SLC4A10: variants seen among roughly 807,000 people sequenced by gnomAD.
The protein encoded by SLC4A10 is sodium-driven chloride bicarbonate exchanger.
SLC4A10 carries 42 observed loss-of-function variants against 137.7 expected under a neutral mutation model. That is an observed-to-expected ratio of 0.30 (90% confidence interval 0.24 to 0.39). The LOEUF (loss-of-function observed/expected upper bound fraction) is 0.39. Among genes scored for constraint, SLC4A10 ranks in the 10% least tolerant of loss-of-function variants. The pLI, the probability that SLC4A10 is intolerant of heterozygous loss-of-function variation, is 1.00. For synonymous variants in SLC4A10, 474 were observed against 464.1 expected (o/e 1.02, Z -0.27); for missense variants, 925 against 1,355.0 (o/e 0.68, Z 4.98).
intron 15 of SLC4A10, among the ~76,000 whole-genome samples, chr2:161,942,315 G>C (rs1692857646): frequency 6.6e-6 from 1 of 152,140 alleles, no homozygotes; most frequent in South Asian, 2.1e-4. Flanking sequence ...TTCTAAGGCT[G>C]TTAATTTGTG....
At chr2:161,787,035 T>C (rs1009060245) in intron 2 of SLC4A10, among the ~76,000 whole-genome samples, 8 of 152,058 alleles carry the variant, frequency 5.3e-5, no homozygotes, top group Admixed American at 2.6e-4. Flanking sequence ...TAAAAGAGTA[T>C]ACTTTTTTAT....
At chr2:161,977,583 G>T (rs1432684105) in intron 25 of SLC4A10, 139 bp from the exon 26 acceptor site, 10 of 659,564 alleles carry the variant, frequency 1.5e-5, no homozygotes, top group Non-Finnish European at 2.5e-5. Context: ...GAATTCCTAT[G>T]TTATGCTAAT....
rs1391260350 is a variant in SLC4A10, at chr2:161,798,097, T to C, written c.131-6352T>C. On this transcript the variant is annotated intron_variant, in intron 2 of 26. Coordinates refer to ENST00000446997, the MANE Select transcript of SLC4A10 (RefSeq NM_001178015.2). ...CACTCACTCCCATCCTCTCAGTCTC[T>C]TTGTTTCTCTGTTACTCTCCCTTAG... 2.0e-5 allele frequency among the ~76,000 whole-genome samples: 3 copies of C among 152,026 alleles called. No homozygotes were observed. The East Asian group carries it at 5.8e-4, about 29-fold the overall frequency.
chr2:161,978,827 A>G (rs1009666621), intron 26 of SLC4A10, among the ~76,000 whole-genome samples: 2 of 152,164 alleles, frequency 1.3e-5, no homozygotes, highest in African/African-American at 2.4e-5. Flanking sequence ...TCTTAATAGG[A>G]CTTTAAAACT....
At chr2:161,700,668 C>T (rs1190189782) in intron 1 of SLC4A10, among the ~76,000 whole-genome samples, 1 of 152,034 alleles carries the variant, frequency 6.6e-6, no homozygotes, top group African/African-American at 2.4e-5. Flanking sequence ...CTGTATTTTA[C>T]AGATGAGGAA....
intron 23 of SLC4A10, among the ~76,000 whole-genome samples, chr2:161,966,956 A>T (rs2105925958): frequency 6.6e-6 from 1 of 152,356 alleles, no homozygotes; most frequent in South Asian, 2.1e-4. Context: ...GAGATCAAAC[A>T]CAACACCCAA....
intron 23 of SLC4A10, among the ~76,000 whole-genome samples, chr2:161,971,544 T>TGTCAG (rs1253428887): frequency 6.6e-6 from 1 of 152,226 alleles, no homozygotes; most frequent in African/African-American, 2.4e-5. Context: ...TTTTCTGACT[T>TGTCAG]CTAAGCTGGC....
At chr2:161,704,350 A>AT (rs1371774013) in intron 1 of SLC4A10, among the ~76,000 whole-genome samples, 5 of 151,652 alleles carry the variant, frequency 3.3e-5, no homozygotes, top group Non-Finnish European at 1.5e-5. Context: ...AGAAGGAATG[A>AT]TTTTTTCAAA....
At chr2:161,883,399 T>C (rs1208927579) in intron 10 of SLC4A10, among the ~76,000 whole-genome samples, 1 of 152,210 alleles carries the variant, frequency 6.6e-6, no homozygotes, top group Non-Finnish European at 1.5e-5. Flanking sequence ...TATTATAAAT[T>C]CTTCAATCTG....
At chr2:161,911,143 G>A (rs62188826) in intron 15 of SLC4A10, among the ~76,000 whole-genome samples, 10,189 of 151,934 alleles carry the variant, frequency 0.067, 446 homozygotes, top group East Asian at 0.13. Context: ...AATGGAACAT[G>A]TTGCAAAATA....
chr2:161,696,574 C>A (rs2042537731), intron 1 of SLC4A10, among the ~76,000 whole-genome samples: 1 of 148,670 alleles, frequency 6.7e-6, no homozygotes, highest in Non-Finnish European at 1.5e-5. Context: ...TTTGTTCTTG[C>A]AATAGTTTAA....
intron 3 of SLC4A10, among the ~76,000 whole-genome samples, chr2:161,835,370 A>C (rs575070985): frequency 6.6e-6 from 1 of 152,114 alleles, no homozygotes; most frequent in South Asian, 2.1e-4. Flanking sequence ...ATCATGCATT[A>C]TTTTCCCTCC....
intron 2 of SLC4A10, among the ~76,000 whole-genome samples, chr2:161,778,018 T>C (rs1276875012): frequency 6.6e-6 from 1 of 152,008 alleles, no homozygotes; most frequent in Non-Finnish European, 1.5e-5. Context: ...ATCATTGTTA[T>C]ATAGACAACC....
At chr2:161,910,159 C>T (rs1393360464) in intron 15 of SLC4A10, among the ~76,000 whole-genome samples, 1 of 152,004 alleles carries the variant, frequency 6.6e-6, no homozygotes, top group Non-Finnish European at 1.5e-5. Context: ...TTATACTTAG[C>T]CTCCTACAAT....
intron 1 of SLC4A10, among the ~76,000 whole-genome samples, chr2:161,672,362 T>A (rs929918512): frequency 6.6e-6 from 1 of 152,172 alleles, no homozygotes; most frequent in Non-Finnish European, 1.5e-5. Context: ...AACAAAAAAA[T>A]TTTAATAAGG....
intron 15 of SLC4A10, among the ~76,000 whole-genome samples, chr2:161,924,975 C>A (rs747460522): frequency 6.6e-6 from 1 of 152,062 alleles, no homozygotes; most frequent in Non-Finnish European, 1.5e-5. Context: ...GATAGGAGGG[C>A]AGAGCTACAG....
intron 8 of SLC4A10, among the ~76,000 whole-genome samples, chr2:161,874,947 G>A (rs1306119308): frequency 2.0e-5 from 3 of 152,212 alleles, no homozygotes; most frequent in Non-Finnish European, 2.9e-5. Context: ...ACACTTATTA[G>A]TGTGGTTATT....
chr2:161,759,887 A>G (rs1326275684), intron 1 of SLC4A10, among the ~76,000 whole-genome samples: 1 of 152,006 alleles, frequency 6.6e-6, no homozygotes, highest in East Asian at 1.9e-4. Flanking sequence ...TTAGCTAGGC[A>G]TATACTTCTA....
chr2:161,764,297 T>C (rs1204744615), intron 1 of SLC4A10, among the ~76,000 whole-genome samples: 1 of 152,086 alleles, frequency 6.6e-6, no homozygotes, highest in Non-Finnish European at 1.5e-5. Flanking sequence ...GAAAGGAGAA[T>C]ATATTAACAT....
Sources: gnomAD v4.1 joint callset for allele counts (sites outside exome capture counted in the v4.1 genomes callset) on GRCh38, gnomAD v4.1.1 for gene constraint, MANE v1.5 for transcripts, NCBI Gene and HGNC (gene_info 2026-07-23, HGNC 2026-07-21) for gene names.